RIT2: variants seen among roughly 807,000 people sequenced by gnomAD.
RIT2 encodes GTP-binding protein Rit2.
Under a neutral mutation model 23.7 loss-of-function variants are expected in RIT2, and 24 were observed. The observed-to-expected ratio is 1.01, with a 90% CI of 0.73 to 1.43. The LOEUF is 1.43. Among genes scored for constraint, RIT2 ranks in the 40% most tolerant of loss-of-function variants. RIT2 has a pLI of 0.00. For synonymous variants in RIT2, 107 were observed against 91.1 expected, an observed-to-expected ratio of 1.17 and a Z score of -0.99; for missense variants, 236 against 266.9, an observed-to-expected ratio of 0.88 and a Z score of 0.81.
intron 1 of RIT2, among the ~76,000 whole-genome samples, chr18:43,054,014 A>T (rs1912443517): frequency 6.6e-6 from 1 of 152,094 alleles, no homozygotes; most frequent in African/African-American, 2.4e-5. Context: ...AATGCTCCCA[A>T]GGCAGAGTTC....
intron 1 of RIT2, among the ~76,000 whole-genome samples, chr18:43,084,115 T>C (rs571973662): frequency 1.7e-3 from 254 of 152,106 alleles, no homozygotes; most frequent in African/African-American, 5.7e-3. Flanking sequence ...ATTTATGCAG[T>C]CAACACACAT....
chr18:42,992,484 G>A (rs1467723586), intron 2 of RIT2, among the ~76,000 whole-genome samples: 1 of 151,954 alleles, frequency 6.6e-6, no homozygotes, highest in African/African-American at 2.4e-5. Context: ...CCAACCCCAA[G>A]CGTTGCTGAG....
At chr18:42,755,801 C>A (rs1340631491) in intron 4 of RIT2, among the ~76,000 whole-genome samples, 2 of 152,080 alleles carry the variant, frequency 1.3e-5, no homozygotes, top group Non-Finnish European at 1.5e-5. Context: ...GACAAATAGA[C>A]AAATTAAAAG....
At chr18:42,945,418 C>T (rs927819622) in intron 3 of RIT2, among the ~76,000 whole-genome samples, 1 of 151,752 alleles carries the variant, frequency 6.6e-6, no homozygotes, top group African/African-American at 2.4e-5. Flanking sequence ...TTCATTTAGG[C>T]ACAGGGCTCT....
intron 1 of RIT2, among the ~76,000 whole-genome samples, chr18:43,096,628 GT>G (rs1432934110): frequency 1.3e-5 from 2 of 151,646 alleles, no homozygotes; most frequent in African/African-American, 4.8e-5. Context: ...ATCTAAAATG[GT>G]TTTAAAATCA....
intron 2 of RIT2, among the ~76,000 whole-genome samples, chr18:43,026,271 G>A (rs982060978): frequency 6.6e-6 from 1 of 151,884 alleles, no homozygotes; most frequent in Admixed American, 6.6e-5. Context: ...GATAAGAAAG[G>A]TTGGCCGGGC....
intron 2 of RIT2, among the ~76,000 whole-genome samples, chr18:42,985,741 G>T (rs989553202): frequency 2.0e-5 from 3 of 151,896 alleles, no homozygotes; most frequent in African/African-American, 7.2e-5. Context: ...ATACAATAAA[G>T]AAATTTTAAT....
intron 3 of RIT2, among the ~76,000 whole-genome samples, chr18:42,964,161 A>G (rs1036733850): frequency 6.6e-6 from 1 of 152,176 alleles, no homozygotes; most frequent in African/African-American, 2.4e-5. Flanking sequence ...ATTGCACTCC[A>G]GCCTGGGCGA....
chr18:42,864,517 C>T (rs1907416827), intron 4 of RIT2, among the ~76,000 whole-genome samples: 3 of 152,268 alleles, frequency 2.0e-5, no homozygotes, highest in South Asian at 2.1e-4. Flanking sequence ...TGGGCACTGT[C>T]TTCAAACGAG....
intron 3 of RIT2, among the ~76,000 whole-genome samples, chr18:42,927,865 A>C (rs1431334823): frequency 2.0e-5 from 3 of 152,062 alleles, no homozygotes; most frequent in Admixed American, 2.0e-4. Flanking sequence ...AAAATGAATA[A>C]AGAATTTTTG....
chr18:42,759,759 G>GTA (rs1913256500), intron 4 of RIT2, among the ~76,000 whole-genome samples: 1 of 84,762 alleles, frequency 1.2e-5, no homozygotes, highest in Non-Finnish European at 2.4e-5. Flanking sequence ...ACACACATAC[G>GTA]GATATATATA....
At chr18:42,991,846 T>C (rs2144228830) in intron 2 of RIT2, among the ~76,000 whole-genome samples, 1 of 151,974 alleles carries the variant, frequency 6.6e-6, no homozygotes, top group East Asian at 1.9e-4. Flanking sequence ...CCCCACCCCA[T>C]CTCCCTTCGC....
chr18:42,799,623 C>T (rs60636373), intron 4 of RIT2, among the ~76,000 whole-genome samples: 1,759 of 152,266 alleles, frequency 0.012, 37 homozygotes, highest in African/African-American at 0.039. Context: ...TGACCACTTT[C>T]TTATAATACA....
intron 3 of RIT2, among the ~76,000 whole-genome samples, chr18:42,957,937 T>C (rs925479474): frequency 2.0e-5 from 3 of 152,092 alleles, no homozygotes; most frequent in Admixed American, 2.0e-4. Context: ...TATAGCAGAG[T>C]GCAATCTTGC....
At chr18:42,958,523 A>T (rs1910025115) in intron 3 of RIT2, among the ~76,000 whole-genome samples, 1 of 152,154 alleles carries the variant, frequency 6.6e-6, no homozygotes, top group South Asian at 2.1e-4. Context: ...TGCTTTTGAA[A>T]TTCCAGGGAC....
At chr18:42,968,355 G>A (rs1910286852) in intron 3 of RIT2, among the ~76,000 whole-genome samples, 1 of 152,144 alleles carries the variant, frequency 6.6e-6, no homozygotes, top group Non-Finnish European at 1.5e-5. Context: ...TACAGCAGGA[G>A]ATACCAACTA....
intron 4 of RIT2, among the ~76,000 whole-genome samples, chr18:42,749,485 A>C (rs528960479): frequency 6.6e-6 from 1 of 152,004 alleles, no homozygotes; most frequent in East Asian, 1.9e-4. Flanking sequence ...AGTAAGTAAA[A>C]TAGAAAACAA....
At chr18:42,745,252 G>A (rs975927696) in intron 4 of RIT2, among the ~76,000 whole-genome samples, 1 of 152,008 alleles carries the variant, frequency 6.6e-6, no homozygotes, top group African/African-American at 2.4e-5. Flanking sequence ...AGACCTCCCA[G>A]CTCACTCATG....
chr18:42,812,917 T>C (rs752609417), intron 4 of RIT2, among the ~76,000 whole-genome samples: 24 of 152,204 alleles, frequency 1.6e-4, no homozygotes, highest in Non-Finnish European at 2.6e-4. Context: ...TGACAAGTTT[T>C]ACAGAAAATT....
Sources: allele counts gnomAD v4.1 joint callset (sites outside exome capture counted in the v4.1 genomes callset), GRCh38; gene constraint gnomAD v4.1.1; transcripts MANE v1.5; gene names NCBI Gene and HGNC (gene_info 2026-07-23, HGNC 2026-07-21).